The following SAXO1 variants were observed in gnomAD, a reference collection of about 807,000 sequenced individuals.
SAXO1 encodes stabilizer of axonemal microtubules 1.
SAXO1 carries 21 observed loss-of-function variants against 17.5 expected under a neutral mutation model. The observed-to-expected ratio is 1.20, with a 90% CI of 0.85 to 1.72. The LOEUF (loss-of-function observed/expected upper bound fraction) is 1.72. Ranked by LOEUF, SAXO1 falls within the 40% of genes most tolerant of loss-of-function variation. SAXO1 has a pLI of 0.00. For synonymous variants in SAXO1, 274 were observed against 216.5 expected, an observed-to-expected ratio of 1.27 and a Z score of -2.33; for missense variants, 843 against 596.0, an observed-to-expected ratio of 1.41 and a Z score of -4.32.
At chr9:19,046,703 A>AG (rs1836225204) in intron 1 of SAXO1, among the ~76,000 whole-genome samples, 1 of 123,984 alleles carries the variant, frequency 8.1e-6, no homozygotes, top group South Asian at 2.6e-4. Flanking sequence ...ACTTCGTCTC[A>AG]GAAAAAAAAA....
intron 1 of SAXO1, among the ~76,000 whole-genome samples, chr9:19,022,917 G>A (rs924073837): frequency 3.9e-5 from 6 of 152,120 alleles, no homozygotes; most frequent in Non-Finnish European, 7.3e-5. Flanking sequence ...TTAATCCCCA[G>A]AGTCATTGTT....
In SAXO1 at chr9:18,957,173, A is replaced by G. The variant is rs138464878; in HGVS notation, c.39-6236T>C. Among the ~76,000 whole-genome samples, 215 of 152,324 alleles carry G rather than the reference A, an allele frequency of 1.4e-3. 1 individual carries two copies. The highest frequency in any genetic ancestry group is 5.0e-3 in the African/African-American group (206 of 41,582). On this transcript the variant is annotated intron_variant, in intron 1 of 3. Coordinates refer to ENST00000380534, the MANE Select transcript of SAXO1 (RefSeq NM_153707.4). ...ACATCCTCCTCTTTCCCACTGACCT[A>G]AAAATATCCCAATACAGACCAACAA...
intron 1 of SAXO1, among the ~76,000 whole-genome samples, chr9:19,007,382 AATTTTAAGTTAC>A (rs1321616351): frequency 7.9e-5 from 12 of 152,330 alleles, no homozygotes; most frequent in African/African-American, 2.9e-4. Flanking sequence ...TAAAATGTTA[AATTTTAAGTTAC>A]ATATTTTATC....
intron 1 of SAXO1, among the ~76,000 whole-genome samples, chr9:19,013,413 C>A (rs1039887183): frequency 5.3e-5 from 8 of 152,090 alleles, no homozygotes; most frequent in Non-Finnish European, 1.0e-4. Flanking sequence ...TTTCCCCTTA[C>A]CTTTTTCCAT....
intron 1 of SAXO1, among the ~76,000 whole-genome samples, chr9:18,995,175 T>C (rs1833952885): frequency 6.6e-6 from 1 of 152,224 alleles, no homozygotes; most frequent in Non-Finnish European, 1.5e-5. Flanking sequence ...TGGGGATTTG[T>C]AATTATTTCC....
At chr9:18,965,944 G>A (rs1345180180) in intron 1 of SAXO1, among the ~76,000 whole-genome samples, 1 of 152,198 alleles carries the variant, frequency 6.6e-6, no homozygotes, top group Non-Finnish European at 1.5e-5. Flanking sequence ...GGCTGGTAGT[G>A]ACACAATCCC....
chr9:18,942,167 C>T (rs144883779), intron 2 of SAXO1, among the ~76,000 whole-genome samples: 1 of 152,216 alleles, frequency 6.6e-6, no homozygotes, highest in African/African-American at 2.4e-5. Flanking sequence ...AGCCTGCCAC[C>T]TGAGCTTCCT....
chr9:19,023,744 G>A (rs948328929), intron 1 of SAXO1, among the ~76,000 whole-genome samples: 3 of 151,982 alleles, frequency 2.0e-5, no homozygotes, highest in African/African-American at 7.2e-5. Flanking sequence ...TTTAAAGTCA[G>A]CCTAATTCAG....
chr9:19,006,311 A>G (rs1322276368), intron 1 of SAXO1, among the ~76,000 whole-genome samples: 4 of 152,248 alleles, frequency 2.6e-5, no homozygotes, highest in Non-Finnish European at 4.4e-5. Flanking sequence ...TGAAACAGAT[A>G]CCTGTAGACC....
At position 18,928,832 on chromosome 9, in the gene SAXO1, G is replaced by T; in HGVS notation, c.645C>A (p.Pro215=). The change falls in exon 4 of 4, where the codon CCC becomes CCA. Residue 215 remains proline (P), a synonymous_variant. Transcript: ENST00000380534. ...CTTCATGCACAAAGCGCTTCTCCAC[G>T]GGGTGGGCCACATAGCTCATCTTGT... ...TNYKMSYVAH[P]VEKRFVHEAE... 1 of 1,614,114 alleles carries T rather than the reference G, an allele frequency of 6.2e-7. No individual in the cohort carries two copies. The highest frequency in any genetic ancestry group is 8.5e-7 in the Non-Finnish European group (1 of 1,180,024).
chr9:19,021,213 C>T (rs990377708), intron 1 of SAXO1, among the ~76,000 whole-genome samples: 6 of 152,152 alleles, frequency 3.9e-5, no homozygotes. Context: ...GGAAACAGCA[C>T]ATTAAACTCT....
At chr9:19,009,963 A>T (rs1563979130) in intron 1 of SAXO1, among the ~76,000 whole-genome samples, 1 of 152,068 alleles carries the variant, frequency 6.6e-6, no homozygotes, top group South Asian at 2.1e-4. Flanking sequence ...GGTACCAGGA[A>T]CTACAGGTGC....
At chr9:18,974,339 C>T (rs143983381) in intron 1 of SAXO1, among the ~76,000 whole-genome samples, 8 of 152,224 alleles carry the variant, frequency 5.3e-5, no homozygotes, top group African/African-American at 1.9e-4. Flanking sequence ...AGTTATTTTC[C>T]ATGTGTTTGT....
In SAXO1 at chr9:18,950,936, G is replaced by C; in HGVS notation, c.40C>G (p.Arg14Gly). 1 of 1,609,730 alleles carries C rather than the reference G, an allele frequency of 6.2e-7. No homozygotes were observed. The highest frequency in any genetic ancestry group is 2.2e-5 in the East Asian group (1 of 44,824). ...GTAGGGAGATGTGGACAGTGATGCC[G>C]CCTATAAAAGACACAGAGTTAGGTT... Reference protein sequence around the residue: ...KCICELCSCGRHHCPHLPTKI... With the variant: ...KCICELCSCGGHHCPHLPTKI... Residue 14 changes from arginine (R) to glycine (G), a missense_variant and splice_region_variant, in exon 2 of 4, where the codon CGG becomes GGG. Coordinates refer to ENST00000380534, the MANE Select transcript of SAXO1 (RefSeq NM_153707.4).
intron 3 of SAXO1, among the ~76,000 whole-genome samples, chr9:18,936,556 T>C (rs1831301196): frequency 6.6e-6 from 1 of 152,122 alleles, no homozygotes; most frequent in Admixed American, 6.5e-5. Flanking sequence ...ACAATATAGT[T>C]GAAACCACAT....
chr9:18,965,309 C>G (rs1832670929), intron 1 of SAXO1, among the ~76,000 whole-genome samples: 1 of 152,140 alleles, frequency 6.6e-6, no homozygotes, highest in Non-Finnish European at 1.5e-5. Context: ...CCTGAATATC[C>G]TTGTTAATTT....
intron 1 of SAXO1, among the ~76,000 whole-genome samples, chr9:18,967,793 GA>G (rs151140495): frequency 6.0e-5 from 9 of 149,422 alleles, no homozygotes; most frequent in South Asian, 2.1e-4. Context: ...ATTGGGGTAT[GA>G]AAAAAAAAAC....
At chr9:18,987,861 C>T (rs953255928) in intron 1 of SAXO1, among the ~76,000 whole-genome samples, 2 of 147,990 alleles carry the variant, frequency 1.4e-5, no homozygotes, top group Admixed American at 6.8e-5. Flanking sequence ...GGCACCACCC[C>T]ACTATAACCT....
Position 18,937,382 on chromosome 9 carries a change from T to C in SAXO1, c.421+4255A>G, listed in dbSNP as rs116482901. Among the ~76,000 whole-genome samples, 541 of 152,312 alleles carry C rather than the reference T, an allele frequency of 3.6e-3. 4 individuals are homozygous for C. Among genetic ancestry groups the C allele is most frequent in the African/African-American group, 0.012 (508 of 41,566 alleles). ...ACCATTCATCCATTGAGTCCCTCAC[T>C]TGACACACTTTGTTGTGTCATTCCC... On this transcript the variant is annotated intron_variant, in intron 3 of 3. Transcript: ENST00000380534.
Sources: allele counts gnomAD v4.1 joint callset (sites outside exome capture counted in the v4.1 genomes callset), GRCh38; gene constraint gnomAD v4.1.1; transcripts MANE v1.5; gene names NCBI Gene and HGNC (gene_info 2026-07-23, HGNC 2026-07-21).